The following CACNB2 variants were observed in gnomAD, a reference collection of about 807,000 sequenced individuals.
The protein encoded by CACNB2 is calcium voltage-gated channel auxiliary subunit beta 2.
Under a neutral mutation model 73.3 loss-of-function variants are expected in CACNB2, and 42 were observed. The observed-to-expected ratio is 0.57, with a 90% CI of 0.45 to 0.74. The LOEUF (loss-of-function observed/expected upper bound fraction) is 0.74. CACNB2 is among the 30% of genes least tolerant of loss of function. CACNB2 has a pLI of 0.00. For missense variants in CACNB2, 940 were observed against 853.0 expected (o/e 1.10, Z -1.27); for synonymous variants, 348 against 310.3 (o/e 1.12, Z -1.28).
intron 6 of CACNB2, among the ~76,000 whole-genome samples, chr10:18,511,053 T>G (rs565159455): frequency 3.9e-4 from 60 of 152,320 alleles, no homozygotes; most frequent in Admixed American, 1.1e-3. Flanking sequence ...AAGGATTAGC[T>G]ATAGGATGGT....
chr10:18,509,477 A>T (rs1298718058), intron 6 of CACNB2, among the ~76,000 whole-genome samples: 1 of 151,766 alleles, frequency 6.6e-6, no homozygotes, highest in Non-Finnish European at 1.5e-5. Flanking sequence ...GCTTAACTTG[A>T]CCCAAACCTT....
chr10:18,503,822 A>T (rs1039445440), intron 5 of CACNB2, among the ~76,000 whole-genome samples: 2 of 152,180 alleles, frequency 1.3e-5, no homozygotes, highest in African/African-American at 4.8e-5. Context: ...GGTAATAGAA[A>T]GTTACTTCAG....
intron 3 of CACNB2, among the ~76,000 whole-genome samples, chr10:18,463,888 C>A (rs563521848): frequency 3.9e-4 from 59 of 152,232 alleles, no homozygotes; most frequent in African/African-American, 1.3e-3. Flanking sequence ...GCTCTGCCCC[C>A]CTTCCCAGCC....
intron 1 of CACNB2, among the ~76,000 whole-genome samples, chr10:18,146,027 G>C (rs566123845): frequency 1.1e-3 from 161 of 152,136 alleles, no homozygotes; most frequent in African/African-American, 3.8e-3. Flanking sequence ...ATTTATGCAG[G>C]CTCCTTGTTC....
rs373367840 is a variant in CACNB2 at position 18,543,404 on chromosome 10, C to T, written c.*3680C>T. The T allele has an allele frequency of 2.6e-5, 4 of 152,124 alleles. No individual in the cohort carries two copies. Among genetic ancestry groups the T allele is most frequent in the South Asian group, 2.1e-4 (1 of 4,826 alleles). The allele number at this position is 152,124 out of a possible 1,614,324, so 9.4% of individuals were successfully genotyped here. On this transcript the variant is annotated 3_prime_UTR_variant, in exon 14 of 14. Coordinates refer to ENST00000324631, the MANE Select transcript of CACNB2 (RefSeq NM_201596.3). ...TGGATCAAGAGTTTAATTTCTGCTG[C>T]GCTGTACTTTTAACTATTTGTACTT...
intron 2 of CACNB2, among the ~76,000 whole-genome samples, chr10:18,199,697 C>T (rs778849778): frequency 9.9e-5 from 15 of 152,130 alleles, no homozygotes; most frequent in Admixed American, 3.9e-4. Flanking sequence ...TTAGGGTAAT[C>T]ATCTGACGTG....
intron 3 of CACNB2, among the ~76,000 whole-genome samples, chr10:18,406,602 T>A (rs2044300961): frequency 6.6e-6 from 1 of 152,220 alleles, no homozygotes; most frequent in African/African-American, 2.4e-5. Flanking sequence ...CACCCCTGGA[T>A]GGGACCATCT....
At chr10:18,283,648 G>A (rs1422175153) in intron 2 of CACNB2, among the ~76,000 whole-genome samples, 3 of 142,988 alleles carry the variant, frequency 2.1e-5, no homozygotes, top group South Asian at 2.3e-4. Flanking sequence ...GGGTGGGAAC[G>A]TCACACACTG....
chr10:18,245,151 T>A (rs1438539651), intron 2 of CACNB2, among the ~76,000 whole-genome samples: 1 of 152,126 alleles, frequency 6.6e-6, no homozygotes, highest in African/African-American at 2.4e-5. Context: ...GATAATACAT[T>A]TGTATTGTTT....
intron 6 of CACNB2, chr10:18,513,783 G>T: frequency 4.3e-6 from 1 of 235,136 alleles, no homozygotes; most frequent in Non-Finnish European, 8.5e-6. Flanking sequence ...ATATCAAATG[G>T]CAAATTCCAA....
At chr10:18,352,069 G>A (rs2041730170) in intron 2 of CACNB2, among the ~76,000 whole-genome samples, 1 of 152,222 alleles carries the variant, frequency 6.6e-6, no homozygotes, top group African/African-American at 2.4e-5. Flanking sequence ...TCTTCTGCGT[G>A]TTCAATGCAA....
intron 3 of CACNB2, among the ~76,000 whole-genome samples, chr10:18,487,015 A>G (rs2049097452): frequency 6.6e-6 from 1 of 152,148 alleles, no homozygotes; most frequent in Non-Finnish European, 1.5e-5. Context: ...TTTCATGGTG[A>G]AACGCATGGG....
intron 2 of CACNB2, among the ~76,000 whole-genome samples, chr10:18,364,144 C>G (rs988216901): frequency 2.6e-5 from 4 of 151,756 alleles, no homozygotes; most frequent in Admixed American, 2.6e-4. Context: ...TGGGGTTTTG[C>G]CACTTTGGCC....
intron 2 of CACNB2, among the ~76,000 whole-genome samples, chr10:18,289,293 T>A: frequency 2.0e-5 from 1 of 51,006 alleles, no homozygotes; most frequent in Admixed American, 2.2e-4. Context: ...TGTTTTTTTG[T>A]TTTGTTTTTT....
chr10:18,423,915 G>A (rs1804897339), intron 3 of CACNB2, among the ~76,000 whole-genome samples: 1 of 152,010 alleles, frequency 6.6e-6, no homozygotes, highest in African/African-American at 2.4e-5. Context: ...TTTTTCTGCA[G>A]GTGTTGACTA....
At chr10:18,534,263 A>C (rs774695642) in intron 11 of CACNB2, 36 bp downstream of exon 11, 1 of 1,557,196 alleles carries the variant, frequency 6.4e-7, no homozygotes, top group South Asian at 1.1e-5. Context: ...CTATAATCAA[A>C]CTTTCCTAAA....
At chr10:18,228,529 A>T (rs1423119478) in intron 2 of CACNB2, among the ~76,000 whole-genome samples, 1 of 151,832 alleles carries the variant, frequency 6.6e-6, no homozygotes, top group African/African-American at 2.4e-5. Context: ...CTTACCAGAC[A>T]TGAAAGAATA....
intron 2 of CACNB2, among the ~76,000 whole-genome samples, chr10:18,283,760 T>C (rs897723895): frequency 2.6e-5 from 4 of 152,104 alleles, no homozygotes; most frequent in African/African-American, 9.7e-5. Flanking sequence ...ATGGCATATG[T>C]ATACATATGT....
At chr10:18,389,113 T>C (rs1272068534) in intron 2 of CACNB2, among the ~76,000 whole-genome samples, 1 of 152,132 alleles carries the variant, frequency 6.6e-6, no homozygotes, top group Admixed American at 6.5e-5. Context: ...TTTGAGAAAA[T>C]GGAATCCAAC....
Sources: allele counts gnomAD v4.1 joint callset (sites outside exome capture counted in the v4.1 genomes callset), GRCh38; gene constraint gnomAD v4.1.1; transcripts MANE v1.5; gene names NCBI Gene and HGNC (gene_info 2026-07-23, HGNC 2026-07-21).